The following SLC35F6 variants were observed in gnomAD, a reference collection of about 807,000 sequenced individuals.
The protein encoded by SLC35F6 is ANT2-binding protein.
A neutral mutation model predicts 29.4 loss-of-function variants in SLC35F6; 26 were observed. That is an observed-to-expected ratio of 0.89 (90% CI 0.65 to 1.23). SLC35F6 has a LOEUF of 1.23. SLC35F6 is among the 50% of genes most tolerant of loss of function. The pLI is 0.00. For synonymous variants in SLC35F6, 174 were observed against 206.6 expected, an observed-to-expected ratio of 0.84 and a Z score of 1.35; for missense variants, 428 against 487.8, an observed-to-expected ratio of 0.88 and a Z score of 1.15.
At chr2:26,772,380 T>C (rs1253861681) in intron 1 of SLC35F6, among the ~76,000 whole-genome samples, 1 of 152,180 alleles carries the variant, frequency 6.6e-6, no homozygotes, top group Non-Finnish European at 1.5e-5. Flanking sequence ...AGGCATTTAA[T>C]AAAAAGAAGT....
rs140020517 is a variant in SLC35F6, at chr2:26,780,567, G to A, written c.*2056G>A. 4 of 152,330 alleles carry A rather than the reference G, an allele frequency of 2.6e-5. No individual in the cohort carries two copies. Among genetic ancestry groups the A allele is most frequent in the Admixed American group, 6.5e-5 (1 of 15,290 alleles). 9.4% of individuals were successfully genotyped at this position (152,330 alleles called of 1,614,324 possible). The stretch of plus-strand genomic sequence containing the variant: ...GATGAAGAAACCATGCCCCAGAGAA[G>A]GTTAAGTGACTTCCTCTTTATGGAG... On this transcript the variant is annotated 3_prime_UTR_variant, in exon 6 of 6. Coordinates refer to ENST00000344420, the MANE Select transcript of SLC35F6 (RefSeq NM_017877.4).
chr2:26,772,173 C>T (rs1664208942), intron 1 of SLC35F6, among the ~76,000 whole-genome samples: 1 of 152,168 alleles, frequency 6.6e-6, no homozygotes, highest in South Asian at 2.1e-4. Context: ...GAAGCCAAAG[C>T]TGGACAGGGA....
At position 26,778,272 on chromosome 2, in the gene SLC35F6, A is replaced by G. The variant is rs878963965; in HGVS notation, c.877A>G (p.Met293Val). 3 of 1,614,012 alleles carry G rather than the reference A, an allele frequency of 1.9e-6. No homozygotes were observed. The highest frequency in any genetic ancestry group is 1.3e-5 in the African/African-American group (1 of 74,900). Residue 293 changes from methionine to valine, a missense_variant, in exon 6 of 6, where the codon ATG becomes GTG. Coordinates refer to ENST00000344420, the MANE Select transcript of SLC35F6 (RefSeq NM_017877.4). The part of the protein sequence containing the change: ...VTKELSATTR[M>V]VLDSLRTVVI... ...CAAGGAACTGAGCGCCACCACCCGC[A>G]TGGTGTTGGACAGCTTGCGCACCGT...
intron 5 of SLC35F6, among the ~76,000 whole-genome samples, chr2:26,777,074 C>T (rs1240348425): frequency 6.6e-6 from 1 of 152,226 alleles, no homozygotes; most frequent in Non-Finnish European, 1.5e-5. Context: ...TGGCGCATGC[C>T]TGTAGTCCCA....
In SLC35F6 at chr2:26,778,956, G is replaced by C. The variant is rs78337014; in HGVS notation, c.*445G>C. On this transcript the variant is annotated 3_prime_UTR_variant, in exon 6 of 6. Coordinates refer to ENST00000344420, the MANE Select transcript of SLC35F6 (RefSeq NM_017877.4). ...CATTATATTTTCTTTTTTTTTTTTT[G>C]AGACAGAGTCTCGCTCTGTCGCCCA... 1 of 107,424 alleles carries C rather than the reference G, an allele frequency of 9.3e-6. No homozygotes were observed. Among genetic ancestry groups the C allele is most frequent in the Admixed American group, 9.0e-5 (1 of 11,056 alleles). 6.7% of individuals were successfully genotyped at this position (107,424 alleles called of 1,614,324 possible). A position where few individuals can be genotyped will look rare whatever the true frequency, so the allele number is the denominator to read the frequency against.
At chr2:26,770,550 T>A (rs1312630475) in intron 1 of SLC35F6, among the ~76,000 whole-genome samples, 1 of 152,016 alleles carries the variant, frequency 6.6e-6, no homozygotes, top group Admixed American at 6.5e-5. Context: ...AAACTCCGTC[T>A]CTACAAAAAA....
chr2:26,775,398 A>C lies in SLC35F6; in HGVS notation c.323-66A>C, dbSNP rs1184276605. 3.6e-5 allele frequency: 57 copies of C among 1,567,638 alleles called. No individual in the cohort carries two copies. Among genetic ancestry groups the C allele is most frequent in the Non-Finnish European group, 4.5e-5 (52 of 1,153,852 alleles). The stretch of plus-strand genomic sequence containing the variant: ...ATGAGCTTGGCATGTCTATCACCAA[A>C]GACCCCTTAGTGACAGATGGCCTTC... On this transcript the variant is annotated intron_variant, in intron 3 of 5. Coordinates refer to ENST00000344420, the MANE Select transcript of SLC35F6 (RefSeq NM_017877.4). The surrounding 1 kb of genome is among the most constrained non-coding windows in gnomAD (Gnocchi z 4.6).
chr2:26,769,689 C>T (rs1664159984), intron 1 of SLC35F6, among the ~76,000 whole-genome samples: 1 of 152,192 alleles, frequency 6.6e-6, no homozygotes. Context: ...TCCCTCCAGC[C>T]ACCTCTGCCT....
At chr2:26,774,034 CTG>C (rs1231880403) in intron 1 of SLC35F6, among the ~76,000 whole-genome samples, 6 of 152,214 alleles carry the variant, frequency 3.9e-5, no homozygotes, top group African/African-American at 1.4e-4. Flanking sequence ...ATGAGAGTAT[CTG>C]TGATTTCTGT....
At chr2:26,774,973 A>T in intron 2 of SLC35F6, 71 bp from the exon 3 acceptor site, 2 of 1,415,098 alleles carry the variant, frequency 1.4e-6, no homozygotes, top group Non-Finnish European at 9.4e-7. Context: ...AGTTTGCATT[A>T]AAAAAAATAG....
rs771214867 is a variant in SLC35F6, at chr2:26,775,502, C to T, written c.361C>T (p.Arg121Trp). The T allele has an allele frequency of 1.4e-5, 23 of 1,612,262 alleles. No homozygotes were observed. Among genetic ancestry groups the T allele is most frequent in the African/African-American group, 2.7e-5 (2 of 74,828 alleles). Reference protein sequence around the residue: ...MTSASSFQMLRGAVIIFTGLF... With the variant: ...MTSASSFQMLWGAVIIFTGLF... The stretch of plus-strand genomic sequence containing the variant: ...CAGTGCCTCCAGCTTCCAGATGCTG[C>T]GGGGTGCAGTGATCATATTCACTGG... The change falls in exon 4 of 6, where the codon CGG (arginine) becomes TGG (tryptophan). Residue 121 changes from arginine (R) to tryptophan (W), a missense_variant. Coordinates refer to ENST00000344420, the MANE Select transcript of SLC35F6 (RefSeq NM_017877.4). The surrounding 1 kb of genome is among the most constrained non-coding windows in gnomAD (Gnocchi z 4.6).
rs1274427607 is a variant in SLC35F6, at chr2:26,778,516, C to T, written c.*5C>T. On this transcript the variant is annotated 3_prime_UTR_variant, in exon 6 of 6. Coordinates refer to ENST00000344420, the MANE Select transcript of SLC35F6 (RefSeq NM_017877.4). ...CCCATCAATGATGCCAGCTGAGGTT[C>T]CCTGGAGGCTTCTACTGCCACCCGG... The T allele has an allele frequency of 8.2e-6, 13 of 1,583,758 alleles. No individual in the cohort carries two copies. Among genetic ancestry groups the T allele is most frequent in the Non-Finnish European group, 1.1e-5 (13 of 1,166,324 alleles).
At chr2:26,766,023 A>G (rs1201507270) in intron 1 of SLC35F6, among the ~76,000 whole-genome samples, 1 of 152,200 alleles carries the variant, frequency 6.6e-6, no homozygotes, top group Non-Finnish European at 1.5e-5. Context: ...ACTCCAAACC[A>G]GTCAGGTAGG....
At chr2:26,773,408 C>T (rs1051139217) in intron 1 of SLC35F6, among the ~76,000 whole-genome samples, 2 of 148,772 alleles carry the variant, frequency 1.3e-5, no homozygotes, top group Non-Finnish European at 3.0e-5. Flanking sequence ...GAGGCTGAGG[C>T]AGGAGAATGG....
chr2:26,769,336 G>T (rs1664152712), intron 1 of SLC35F6, among the ~76,000 whole-genome samples: 1 of 152,216 alleles, frequency 6.6e-6, no homozygotes. Context: ...GCCTCAGCTT[G>T]TCCCCGCTAG....
Position 26,764,296 on chromosome 2 carries a change from C to T in SLC35F6, c.-54C>T, listed in dbSNP as rs1031528732. On this transcript the variant is annotated 5_prime_UTR_variant, in exon 1 of 6. Transcript: ENST00000344420. ...CCCGGAAGCGCTCGCGCAGGAGACC[C>T]CGGGTGACGGGGCCCGGCGCCGCTA... 5.8e-6 allele frequency: 9 copies of T among 1,543,330 alleles called. No homozygotes were observed. Among genetic ancestry groups the T allele is most frequent in the Non-Finnish European group, 7.0e-6 (8 of 1,143,120 alleles).
chr2:26,775,541 G>T lies in SLC35F6; in HGVS notation c.400G>T (p.Ala134Ser). The T allele has an allele frequency of 1.9e-6, 3 of 1,610,236 alleles. No individual in the cohort carries two copies. Among genetic ancestry groups the T allele is most frequent in the Non-Finnish European group, 8.5e-7 (1 of 1,179,810 alleles). ...CATATTCACTGGCCTGTTCTCGGTGGCCTTCCTGGGCCGGAGGCTGGTGCT... is the reference window on the plus strand; with the variant it reads ...CATATTCACTGGCCTGTTCTCGGTGTCCTTCCTGGGCCGGAGGCTGGTGCT... Reference protein sequence around the residue: ...VIIFTGLFSVAFLGRRLVLSQ... With the variant: ...VIIFTGLFSVSFLGRRLVLSQ... The change falls in exon 4 of 6, where the codon GCC becomes TCC. Residue 134 changes from alanine (A) to serine (S), a missense_variant. By Grantham distance (99) the Ala-to-Ser change is moderately conservative. Transcript: ENST00000344420. This position sits in a 1 kb window ranked among gnomAD's most constrained non-coding sequence, Gnocchi z 4.6.
At chr2:26,770,824 C>T (rs1401893255) in intron 1 of SLC35F6, among the ~76,000 whole-genome samples, 1 of 152,232 alleles carries the variant, frequency 6.6e-6, no homozygotes. Flanking sequence ...CATCCCCAGG[C>T]AAACTGGGGC....
chr2:26,770,770 A>G (rs1027493178), intron 1 of SLC35F6, among the ~76,000 whole-genome samples: 1 of 152,164 alleles, frequency 6.6e-6, no homozygotes, highest in Non-Finnish European at 1.5e-5. Flanking sequence ...AACGTTGTGA[A>G]GAACTGACAG....
Sources: allele counts gnomAD v4.1 joint callset (sites outside exome capture counted in the v4.1 genomes callset), GRCh38; gene constraint gnomAD v4.1.1; non-coding constraint Gnocchi (gnomAD v3.1); transcripts MANE v1.5; gene names NCBI Gene and HGNC (gene_info 2026-07-23, HGNC 2026-07-21).